The following XAF1 variants were observed in gnomAD, a reference collection of about 807,000 sequenced individuals.
XAF1 encodes XIAP-associated factor 1.
XAF1 carries 32 observed loss-of-function variants against 32.3 expected under a neutral mutation model. The ratio of observed to expected loss-of-function variants is 0.99; its 90% CI spans 0.75 to 1.33. XAF1 has a LOEUF of 1.33. Among genes scored for constraint, XAF1 ranks in the 40% most tolerant of loss-of-function variants. The pLI is 0.00. For missense variants in XAF1, 379 were observed against 366.0 expected (o/e 1.04, Z -0.29); for synonymous variants, 120 against 125.9 (o/e 0.95, Z 0.31).
chr17:6,771,018 G>A, intron 6 of XAF1, 34 bp downstream of exon 6: 6 of 1,607,160 alleles, frequency 3.7e-6, no homozygotes, highest in Non-Finnish European at 5.1e-6. Flanking sequence ...TACCTTTCTG[G>A]GAACCATCCG....
At chr17:6,762,753 C>G (rs887567162) in intron 5 of XAF1, among the ~76,000 whole-genome samples, 1 of 152,194 alleles carries the variant, frequency 6.6e-6, no homozygotes, top group Non-Finnish European at 1.5e-5. Context: ...AGCCCCTAAG[C>G]GCCGTTTAGT....
In XAF1 at chr17:6,759,095, A is replaced by T. The variant is rs770571755; in HGVS notation, c.169-567A>T. 307 of 1,008,430 alleles carry T rather than the reference A, an allele frequency of 3.0e-4. 1 individual carries two copies. The highest frequency in any genetic ancestry group is 3.6e-4 in the Non-Finnish European group (300 of 836,092). The allele number at this position is 1,008,430 out of a possible 1,614,324, so 62.5% of individuals were successfully genotyped here. A position where few individuals can be genotyped will look rare whatever the true frequency, so the allele number is the denominator to read the frequency against. ...AGTTGGGGTGAGGGCTGGGGACTTA[A>T]GGCAAGGGTCCAGTCCCCCAGGCAG... On this transcript the variant is annotated intron_variant, in intron 2 of 6. Coordinates refer to ENST00000361842, the MANE Select transcript of XAF1 (RefSeq NM_017523.5).
At chr17:6,769,117 CT>C (rs1447520816) in intron 5 of XAF1, among the ~76,000 whole-genome samples, 3 of 151,066 alleles carry the variant, frequency 2.0e-5, no homozygotes, top group Admixed American at 2.0e-4. Flanking sequence ...CATATTTTCT[CT>C]ATTTCTATCT....
chr17:6,760,477 G>A lies in XAF1; in HGVS notation c.297G>A (p.Glu99=). 1 of 1,613,446 alleles carries A rather than the reference G, an allele frequency of 6.2e-7. No homozygotes were observed. Among genetic ancestry groups the A allele is most frequent in the Non-Finnish European group, 8.5e-7 (1 of 1,179,786 alleles). Reference sequence around the variant, plus strand: ...TGGACATGCAGCTCAGCAAGCTGGAGCTCCACGAGTCCTACTGTGGCAGCC... The same window carrying A: ...TGGACATGCAGCTCAGCAAGCTGGAACTCCACGAGTCCTACTGTGGCAGCC... ...CKLDMQLSKL[E]LHESYCGSRT... is the part of the protein sequence containing the mutation. Residue 99 remains glutamate (E), a synonymous_variant, in exon 4 of 7, where the codon GAG becomes GAA. Coordinates refer to ENST00000361842, the MANE Select transcript of XAF1 (RefSeq NM_017523.5).
At chr17:6,772,574 G>A (rs552513149) in intron 6 of XAF1, among the ~76,000 whole-genome samples, 17 of 149,226 alleles carry the variant, frequency 1.1e-4, no homozygotes, top group Admixed American at 6.8e-4. Flanking sequence ...GGGTTCAAGC[G>A]ATTCTCCTGC....
intron 2 of XAF1, chr17:6,759,366 A>AT: frequency 7.4e-7 from 1 of 1,354,548 alleles, no homozygotes; most frequent in Non-Finnish European, 9.5e-7. Flanking sequence ...AGGCAGTCAG[A>AT]TGGAGCCCTG....
intron 2 of XAF1, chr17:6,759,420 GTC>G (rs1231751929): frequency 1.4e-5 from 20 of 1,401,380 alleles, no homozygotes. Context: ...CCCCTGATCT[GTC>G]TCTCTGGAGA....
At chr17:6,757,837 C>T (rs1180845818) in intron 1 of XAF1, among the ~76,000 whole-genome samples, 2 of 152,158 alleles carry the variant, frequency 1.3e-5, no homozygotes, top group East Asian at 3.9e-4. Flanking sequence ...TGTAATTCCT[C>T]CCTCCTGCTC....
At chr17:6,755,869 A>T, upstream of XAF1, 1 of 1,386,690 alleles carries the variant, frequency 7.2e-7, no homozygotes, top group Non-Finnish European at 9.3e-7. Context: ...GCAAAGAATG[A>T]CGGCCAAGGG....
In XAF1 at chr17:6,770,879, GC is replaced by G; in HGVS notation, c.747del (p.Arg250GlyfsTer15). The G allele has an allele frequency of 6.2e-7, 1 of 1,614,076 alleles. No homozygotes were observed. ...LDPLLMSEPK[P>X]RTSSPRGDKA... ...ATCCACTTTTGATGTCAGAGCCCAA[GC>G]CCAGGACCAGCTCCCCTAGAGGAGA... On this transcript the variant is annotated frameshift_variant, in exon 6 of 7. Coordinates refer to ENST00000361842, the MANE Select transcript of XAF1 (RefSeq NM_017523.5). LOFTEE classifies it high-confidence loss of function.
Position 6,756,065 on chromosome 17 carries a change from G to C in XAF1, c.-14G>C. 2 of 1,613,930 alleles carry C rather than the reference G, an allele frequency of 1.2e-6. No individual in the cohort carries two copies. Among genetic ancestry groups the C allele is most frequent in the Non-Finnish European group, 1.7e-6 (2 of 1,179,968 alleles). On this transcript the variant is annotated 5_prime_UTR_variant, in exon 1 of 7. Coordinates refer to ENST00000361842, the MANE Select transcript of XAF1 (RefSeq NM_017523.5). ...AGAAACGAAACTCAACCGAAAGCCT[G>C]CAGAGAGCAGAACATGGAAGGAGAC... is the stretch of plus-strand genomic sequence containing the variant.
At chr17:6,762,519 C>T (rs1029666686) in intron 5 of XAF1, among the ~76,000 whole-genome samples, 2 of 152,190 alleles carry the variant, frequency 1.3e-5, no homozygotes, top group African/African-American at 4.8e-5. Context: ...AACTTCATGG[C>T]CTGGACATTG....
chr17:6,765,204 G>C (rs1330786223), intron 5 of XAF1, among the ~76,000 whole-genome samples: 1 of 152,128 alleles, frequency 6.6e-6, no homozygotes, highest in African/African-American at 2.4e-5. Context: ...ACAAGGTCAG[G>C]AGATCGAGAC....
rs747553736 is a variant in XAF1, at chr17:6,760,597, G to A, written c.417G>A (p.Gly139=). 4 of 1,606,560 alleles carry A rather than the reference G, an allele frequency of 2.5e-6. No individual in the cohort carries two copies. The South Asian group carries it at 3.3e-5, about 13-fold the overall frequency. The change falls in exon 4 of 7, where the codon GGG becomes GGA. Residue 139 remains glycine, a synonymous_variant. Transcript: ENST00000361842. ...GTCGCAGTGAACAGGCCCAGCTCGG[G>A]AAAGGTAAGCACACAAACTGGGGTG... ...DVCRSEQAQL[G]KGERISAPER... is the part of the protein sequence containing the mutation.
chr17:6,760,445 T>G lies in XAF1; in HGVS notation c.265T>G (p.Cys89Gly). The G allele has an allele frequency of 6.2e-7, 1 of 1,613,072 alleles. No homozygotes were observed. The highest frequency in any genetic ancestry group is 2.2e-5 in the East Asian group (1 of 44,832). The change falls in exon 4 of 7, where the codon TGC becomes GGC. Residue 89 changes from cysteine (C) to glycine (G), a missense_variant. Cys to Gly is a radical substitution (Grantham distance 159). Coordinates refer to ENST00000361842, the MANE Select transcript of XAF1 (RefSeq NM_017523.5). ...GGAGCGCCCTGTTGAGTGTAAGTTC[T>G]GCAAACTGGACATGCAGCTCAGCAA... Reference protein sequence around the residue: ...CQERPVECKFCKLDMQLSKLE... With the variant: ...CQERPVECKFGKLDMQLSKLE...
In XAF1 at chr17:6,770,923, T is replaced by G; in HGVS notation, c.788T>G (p.Ile263Ser). 16 of 1,614,152 alleles carry G rather than the reference T, an allele frequency of 9.9e-6. No individual in the cohort carries two copies. The highest frequency in any genetic ancestry group is 1.4e-5 in the Non-Finnish European group (16 of 1,180,014). The change falls in exon 6 of 7, where the codon ATT (isoleucine) becomes AGT (serine). Residue 263 changes from isoleucine (I) to serine (S), a missense_variant. By Grantham distance (142) the Ile-to-Ser change is moderately radical. Transcript: ENST00000361842. Reference sequence around the variant, plus strand: ...AGAGGAGATAAAGCAGCCTATGACATTCTGAGGAGATGTTCTCAGTGTGGC... The same window carrying G: ...AGAGGAGATAAAGCAGCCTATGACAGTCTGAGGAGATGTTCTCAGTGTGGC... ...SPRGDKAAYD[I>S]LRRCSQCGIL... is the part of the protein sequence containing the mutation.
intron 6 of XAF1, among the ~76,000 whole-genome samples, chr17:6,772,463 A>ATTT (rs1567664366): frequency 9.5e-5 from 11 of 115,770 alleles, no homozygotes; most frequent in East Asian, 4.9e-4. Context: ...TAAAGCTGCC[A>ATTT]TCTTTTTTTT....
At chr17:6,759,853 G>A in intron 3 of XAF1, 135 bp downstream of exon 3, 1 of 1,474,244 alleles carries the variant, frequency 6.8e-7, no homozygotes, top group South Asian at 1.2e-5. Flanking sequence ...TTGGAGAGCA[G>A]TGGAGAACTA....
At position 6,774,857 on chromosome 17, in the gene XAF1, A is replaced by G. The variant is rs1976313192; in HGVS notation, c.*1688A>G. 2 of 152,140 alleles carry G rather than the reference A, an allele frequency of 1.3e-5. No individual in the cohort carries two copies. Among genetic ancestry groups the G allele is most frequent in the Non-Finnish European group, 2.9e-5 (2 of 68,044 alleles). The allele number at this position is 152,140 out of a possible 1,614,324, so 9.4% of individuals were successfully genotyped here. On this transcript the variant is annotated 3_prime_UTR_variant, in exon 7 of 7. Coordinates refer to ENST00000361842, the MANE Select transcript of XAF1 (RefSeq NM_017523.5). ...GGAGTTTGAGACCAGCCTGGCCAAC[A>G]TGGAGAAACTCCGTCTCCGCTAAAA...
Sources: allele counts gnomAD v4.1 joint callset (sites outside exome capture counted in the v4.1 genomes callset), GRCh38; gene constraint gnomAD v4.1.1; transcripts MANE v1.5; gene names NCBI Gene and HGNC (gene_info 2026-07-23, HGNC 2026-07-21).